PAK1: variants seen among roughly 807,000 people sequenced by gnomAD.
PAK1 encodes the protein p21 (RAC1) activated kinase 1.
PAK1 carries 29 observed loss-of-function variants against 67.4 expected under a neutral mutation model. The observed-to-expected ratio is 0.43, with a 90% CI of 0.32 to 0.59. The LOEUF is 0.59. PAK1 is among the 20% of genes least tolerant of loss of function. The pLI is 0.07. For missense variants in PAK1, 337 were observed against 670.7 expected, an observed-to-expected ratio of 0.50 and a Z score of 5.50; for synonymous variants, 223 against 237.4, an observed-to-expected ratio of 0.94 and a Z score of 0.56.
At chr11:77,385,736 A>G (rs1309922074) in intron 2 of PAK1, among the ~76,000 whole-genome samples, 1 of 152,152 alleles carries the variant, frequency 6.6e-6, no homozygotes, top group Non-Finnish European at 1.5e-5. Flanking sequence ...AGGTGCCTAT[A>G]ATCCCAGCTA....
At chr11:77,509,085 C>T in the PAK1 span, among the ~76,000 whole-genome samples, 3 of 150,908 alleles carry the variant, frequency 2.0e-5, no homozygotes, top group African/African-American at 7.3e-5. Context: ...GGTGAAACCC[C>T]GTCTCTACTA....
the PAK1 span, among the ~76,000 whole-genome samples, chr11:77,515,814 G>A: frequency 6.6e-6 from 1 of 152,134 alleles, no homozygotes; most frequent in Non-Finnish European, 1.5e-5. Flanking sequence ...GGAGTATCAG[G>A]TTGCAAGGTA....
intron 5 of PAK1, among the ~76,000 whole-genome samples, chr11:77,368,300 CA>C (rs1947887343): frequency 6.6e-6 from 1 of 152,112 alleles, no homozygotes; most frequent in Non-Finnish European, 1.5e-5. Flanking sequence ...AGCTAGATGA[CA>C]AAAGTGTAAT....
intron 1 of PAK1, among the ~76,000 whole-genome samples, chr11:77,433,538 G>A (rs1171659338): frequency 6.6e-6 from 1 of 150,442 alleles, no homozygotes; most frequent in African/African-American, 2.5e-5. Context: ...CCAGCACTTT[G>A]GGGGGCCGAG....
intron 1 of PAK1, among the ~76,000 whole-genome samples, chr11:77,408,787 CA>C (rs887236882): frequency 2.0e-5 from 3 of 150,994 alleles, no homozygotes; most frequent in African/African-American, 4.9e-5. Flanking sequence ...AACTTAATAG[CA>C]AAAAAAACAA....
chr11:77,376,122 AC>A (rs1315394627), intron 4 of PAK1, among the ~76,000 whole-genome samples: 1 of 152,136 alleles, frequency 6.6e-6, no homozygotes, highest in East Asian at 1.9e-4. Context: ...TCACTGCACT[AC>A]CCCCAACTTT....
chr11:77,440,224 T>C (rs1378898254), intron 1 of PAK1, among the ~76,000 whole-genome samples: 1 of 152,122 alleles, frequency 6.6e-6, no homozygotes, highest in African/African-American at 2.4e-5. Context: ...GCATCTATCC[T>C]AAACTTTCAA....
intron 1 of PAK1, among the ~76,000 whole-genome samples, chr11:77,471,477 T>G (rs567437841): frequency 6.6e-6 from 1 of 152,268 alleles, no homozygotes; most frequent in East Asian, 1.9e-4. Flanking sequence ...GAGCAACTCA[T>G]TCTATGCAGG....
chr11:77,493,861 A>G, the PAK1 span, among the ~76,000 whole-genome samples: 1 of 152,366 alleles, frequency 6.6e-6, no homozygotes, highest in South Asian at 2.1e-4. Flanking sequence ...AATTCACTGT[A>G]GAAAGTATAA....
the PAK1 span, among the ~76,000 whole-genome samples, chr11:77,521,282 C>A: frequency 6.6e-6 from 1 of 151,984 alleles, no homozygotes; most frequent in Non-Finnish European, 1.5e-5. Flanking sequence ...GTAATCCCAG[C>A]ACTTTGGGAA....
chr11:77,332,695 C>T (rs1941927111), intron 14 of PAK1, 35 bp downstream of exon 14: 1 of 1,591,804 alleles, frequency 6.3e-7, no homozygotes, highest in African/African-American at 1.3e-5. Context: ...TAGTGATTCC[C>T]TGAATTAGGT....
chr11:77,429,084 A>AC (rs1955731608), intron 1 of PAK1, among the ~76,000 whole-genome samples: 2 of 117,336 alleles, frequency 1.7e-5, no homozygotes, highest in Middle Eastern at 4.1e-3. Flanking sequence ...AAAAAAAAAA[A>AC]AAAAAAAAAA....
chr11:77,382,936 G>C (rs762288858), intron 2 of PAK1, among the ~76,000 whole-genome samples: 2 of 152,176 alleles, frequency 1.3e-5, no homozygotes, highest in Non-Finnish European at 2.9e-5. Flanking sequence ...GGCAGAGGTT[G>C]AAGTGAACTG....
chr11:77,437,509 A>G (rs953727369), intron 1 of PAK1, among the ~76,000 whole-genome samples: 19 of 152,158 alleles, frequency 1.2e-4, no homozygotes, highest in African/African-American at 4.6e-4. Context: ...ATGAATACAG[A>G]CCACTGGTTC....
At chr11:77,516,838 C>CAAAA in the PAK1 span, among the ~76,000 whole-genome samples, 2 of 95,376 alleles carry the variant, frequency 2.1e-5, no homozygotes, top group East Asian at 3.2e-4. Flanking sequence ...CCCCATCTCT[C>CAAAA]AAAAAAAAAA....
intron 8 of PAK1, among the ~76,000 whole-genome samples, chr11:77,351,899 G>T (rs1404955650): frequency 6.6e-6 from 1 of 151,150 alleles, no homozygotes; most frequent in African/African-American, 2.4e-5. Context: ...TTATAGAGAG[G>T]TATAACTTAA....
the PAK1 span, among the ~76,000 whole-genome samples, chr11:77,506,828 T>TG: frequency 6.6e-6 from 1 of 151,982 alleles, no homozygotes. Flanking sequence ...TCATAGAGAT[T>TG]GGGGGGTACA....
At chr11:77,451,866 T>G (rs948874287) in intron 1 of PAK1, among the ~76,000 whole-genome samples, 1 of 142,720 alleles carries the variant, frequency 7.0e-6, no homozygotes, top group Non-Finnish European at 1.5e-5. Flanking sequence ...CCCAAAGTGC[T>G]GGGATTACAG....
chr11:77,441,841 G>T (rs1245307950), intron 1 of PAK1, among the ~76,000 whole-genome samples: 3 of 152,176 alleles, frequency 2.0e-5, no homozygotes, highest in African/African-American at 7.2e-5. Context: ...TTCTCCACAA[G>T]TAAGAGTCAA....
Sources: allele counts gnomAD v4.1 joint callset (sites outside exome capture counted in the v4.1 genomes callset), GRCh38; gene constraint gnomAD v4.1.1; transcripts MANE v1.5; gene names NCBI Gene and HGNC (gene_info 2026-07-23, HGNC 2026-07-21).